SLC1A7: variants seen among roughly 807,000 people sequenced by gnomAD.
SLC1A7 encodes the protein solute carrier family 1 member 7.
A neutral mutation model predicts 47.7 loss-of-function variants in SLC1A7; 40 were observed. That is an observed-to-expected ratio of 0.84 (90% CI 0.65 to 1.09). The LOEUF (loss-of-function observed/expected upper bound fraction) is 1.09, where lower values mean the gene tolerates loss of function less well. SLC1A7 is among the 50% of genes least tolerant of loss of function. The pLI, the probability that SLC1A7 is intolerant of heterozygous loss-of-function variation, is 0.00. For synonymous variants in SLC1A7, 323 were observed against 325.6 expected (o/e 0.99, Z 0.09); for missense variants, 746 against 769.5 (o/e 0.97, Z 0.36).
chr1:53,108,862 G>T (rs866271077), intron 3 of SLC1A7, among the ~76,000 whole-genome samples: 1 of 152,150 alleles, frequency 6.6e-6, no homozygotes, highest in African/African-American at 2.4e-5. Flanking sequence ...GTCCTGACTC[G>T]TGTGTGCTCA....
chr1:53,136,149 CTCTATATA>C (rs1644990859), intron 1 of SLC1A7, among the ~76,000 whole-genome samples: 1 of 110,368 alleles, frequency 9.1e-6, no homozygotes. Context: ...CTCTCTCTCT[CTCTATATA>C]TATATATATA....
intron 2 of SLC1A7, among the ~76,000 whole-genome samples, chr1:53,123,324 C>T (rs994074870): frequency 1.3e-5 from 2 of 152,190 alleles, no homozygotes; most frequent in Non-Finnish European, 2.9e-5. Context: ...GAGTCTGCCC[C>T]GCACAGGGCT....
At chr1:53,113,782 G>A (rs894382486) in intron 3 of SLC1A7, among the ~76,000 whole-genome samples, 6 of 152,184 alleles carry the variant, frequency 3.9e-5, no homozygotes, top group South Asian at 2.1e-4. Flanking sequence ...CTTTGAGGCC[G>A]GTCCCCACCT....
chr1:53,098,466 C>G (rs1398211851), intron 5 of SLC1A7, among the ~76,000 whole-genome samples: 1 of 151,690 alleles, frequency 6.6e-6, no homozygotes, highest in Non-Finnish European at 1.5e-5. Context: ...TACACTCACC[C>G]TGCCTCAATG....
At position 53,101,693 on chromosome 1, in the gene SLC1A7, G is replaced by A. The variant is rs556562879; in HGVS notation, c.697+1653C>T. ...TGGTACACTCACAAACCATGTCTCG[G>A]TACACTCACACCAGCTTGGTACACT... On this transcript the variant is annotated intron_variant, in intron 5 of 10. Coordinates refer to ENST00000371494, the MANE Select transcript of SLC1A7 (RefSeq NM_006671.6). 2.5e-3 allele frequency among the ~76,000 whole-genome samples: 353 copies of A among 143,552 alleles called. 1 individual carries two copies. The highest frequency in any genetic ancestry group is 8.4e-3 in the African/African-American group (318 of 37,846). 94.2% of individuals were successfully genotyped at this position (143,552 alleles called of 152,430 possible). A position where few individuals can be genotyped will look rare whatever the true frequency, so the allele number is the denominator to read the frequency against.
chr1:53,125,552 T>C (rs558231461), intron 2 of SLC1A7, among the ~76,000 whole-genome samples: 1 of 152,282 alleles, frequency 6.6e-6, no homozygotes, highest in East Asian at 1.9e-4. Flanking sequence ...CGAGATGGCC[T>C]GGCATTCAAG....
chr1:53,142,123 G>C (rs753193215), intron 1 of SLC1A7, among the ~76,000 whole-genome samples, 192 bp downstream of exon 1: 1 of 152,138 alleles, frequency 6.6e-6, no homozygotes, highest in Non-Finnish European at 1.5e-5. Context: ...CACATCACTG[G>C]TTCTTCCCTC....
chr1:53,106,450 A>G (rs550575064), intron 3 of SLC1A7, among the ~76,000 whole-genome samples: 48 of 151,996 alleles, frequency 3.2e-4, no homozygotes, highest in Admixed American at 6.5e-4. Flanking sequence ...TAAAAATACA[A>G]AAAATTAGCT....
intron 1 of SLC1A7, among the ~76,000 whole-genome samples, chr1:53,138,621 G>C (rs987111032): frequency 2.6e-5 from 4 of 150,946 alleles, no homozygotes; most frequent in Non-Finnish European, 5.9e-5. Flanking sequence ...ACCCGCCTTG[G>C]CCTCCCAAAG....
intron 5 of SLC1A7, among the ~76,000 whole-genome samples, chr1:53,098,344 ACT>A (rs1208365694): frequency 9.0e-5 from 13 of 143,832 alleles, no homozygotes; most frequent in Admixed American, 6.9e-4. Flanking sequence ...GCCTTGCTAC[ACT>A]CACACACCCC....
chr1:53,135,278 A>G (rs773862000), intron 1 of SLC1A7, among the ~76,000 whole-genome samples: 8 of 152,178 alleles, frequency 5.3e-5, no homozygotes, highest in Non-Finnish European at 1.2e-4. Flanking sequence ...GGGTACCCCA[A>G]CATGAACTAG....
At chr1:53,137,649 G>T (rs138499904) in intron 1 of SLC1A7, among the ~76,000 whole-genome samples, 1 of 152,178 alleles carries the variant, frequency 6.6e-6, no homozygotes, top group Non-Finnish European at 1.5e-5. Flanking sequence ...GTAGCCTAAA[G>T]TTAATTGACT....
chr1:53,114,703 G>T, intron 3 of SLC1A7, 55 bp downstream of exon 3: 1 of 1,501,420 alleles, frequency 6.7e-7, no homozygotes. Flanking sequence ...GGGGGACCTG[G>T]CAGGGCAGGC....
In SLC1A7 at chr1:53,088,994, T is replaced by C; in HGVS notation, c.1362-15A>G. On this transcript the variant is annotated splice_polypyrimidine_tract_variant and intron_variant, in intron 9 of 10. Transcript: ENST00000371494. ...GGAAACGGTCCCTGGTGAGCCAAGG[T>C]TGGGGGTGAGTGGTGGGCACTTGAA... is the stretch of plus-strand genomic sequence containing the variant. 1 of 1,609,352 alleles carries C rather than the reference T, an allele frequency of 6.2e-7. No individual in the cohort carries two copies. The highest frequency in any genetic ancestry group is 8.5e-7 in the Non-Finnish European group (1 of 1,176,098).
intron 3 of SLC1A7, among the ~76,000 whole-genome samples, chr1:53,113,187 T>A (rs554681721): frequency 3.3e-5 from 5 of 152,204 alleles, no homozygotes; most frequent in Admixed American, 6.5e-5. Context: ...CTAGAAGGTG[T>A]TCCCTGAGCG....
At chr1:53,126,756 G>C (rs1644887107) in intron 2 of SLC1A7, among the ~76,000 whole-genome samples, 1 of 152,246 alleles carries the variant, frequency 6.6e-6, no homozygotes, top group Non-Finnish European at 1.5e-5. Context: ...TCACCAGTAA[G>C]AATAAGAACA....
chr1:53,101,051 A>C (rs1038053672), intron 5 of SLC1A7, among the ~76,000 whole-genome samples: 34 of 111,872 alleles, frequency 3.0e-4, no homozygotes, highest in African/African-American at 4.3e-4. Context: ...CATTCACAAA[A>C]CCCGCCTCGG....
At chr1:53,089,124 G>T in intron 9 of SLC1A7, 145 bp from the exon 10 acceptor site, 1 of 684,032 alleles carries the variant, frequency 1.5e-6, no homozygotes, top group Non-Finnish European at 2.6e-6. Flanking sequence ...CTCCTCCCAA[G>T]CCCACCCTTT....
chr1:53,122,047 G>A (rs1644832264), intron 2 of SLC1A7, among the ~76,000 whole-genome samples: 1 of 152,074 alleles, frequency 6.6e-6, no homozygotes, highest in African/African-American at 2.4e-5. Flanking sequence ...TGTGTGGTCC[G>A]GAGCGGAGCA....
Sources: allele counts gnomAD v4.1 joint callset (sites outside exome capture counted in the v4.1 genomes callset), GRCh38; gene constraint gnomAD v4.1.1; transcripts MANE v1.5; gene names NCBI Gene and HGNC (gene_info 2026-07-23, HGNC 2026-07-21).